The following ANKRD26 variants were observed in gnomAD, a reference collection of about 807,000 sequenced individuals.
ANKRD26 encodes the protein ankyrin repeat domain-containing protein 26.
Under a neutral mutation model 208.7 loss-of-function variants are expected in ANKRD26, and 141 were observed. That is an observed-to-expected ratio of 0.68 (90% CI 0.59 to 0.78). The LOEUF (loss-of-function observed/expected upper bound fraction) is 0.78. ANKRD26 is among the 30% of genes least tolerant of loss of function. The probability of loss-of-function intolerance (pLI) is 0.00; values close to 1 mark genes in which losing one functional copy is unlikely to be tolerated. For synonymous variants in ANKRD26, 636 were observed against 660.4 expected (o/e 0.96, Z 0.57); for missense variants, 1,889 against 1,938.7 (o/e 0.97, Z 0.48).
chr10:26,957,285 G>T, the ANKRD26 span, among the ~76,000 whole-genome samples: 2 of 152,184 alleles, frequency 1.3e-5, no homozygotes, highest in South Asian at 4.1e-4. Flanking sequence ...CCATTTGGGT[G>T]GCTAAAGCAG....
rs190902082 is a variant in ANKRD26 at position 26,973,923 on chromosome 10, C to T, written c.*2401G>A. Among the ~76,000 whole-genome samples, 713 of 152,052 alleles carry T rather than the reference C, an allele frequency of 4.7e-3. 4 individuals are homozygous for T. The highest frequency in any genetic ancestry group is 8.0e-3 in the Non-Finnish European group (541 of 67,968). ...CCACCCACCTCGGCCTCCCAAAGTG[C>T]TGGAATTACAGGCGTGAGCCACTGT... On this transcript the variant is annotated 3_prime_UTR_variant and NMD_transcript_variant, in exon 6 of 6. Transcript: ENST00000674670.
At chr10:27,033,699 G>A (rs1468221073) in intron 24 of ANKRD26, among the ~76,000 whole-genome samples, 1 of 152,148 alleles carries the variant, frequency 6.6e-6, no homozygotes, top group African/African-American at 2.4e-5. Context: ...GAGTGGAACT[G>A]GTAGTGATTA....
chr10:26,975,965 C>A (rs955131079), exon 6 of ANKRD26, among the ~76,000 whole-genome samples: 14 of 152,068 alleles, frequency 9.2e-5, no homozygotes, highest in African/African-American at 3.1e-4. Context: ...ATCACTCTTA[C>A]CTCCTGGAAA....
the ANKRD26 span, among the ~76,000 whole-genome samples, chr10:26,966,195 C>A: frequency 2.6e-5 from 4 of 152,266 alleles, no homozygotes; most frequent in Non-Finnish European, 5.9e-5. Context: ...ATGTTTACTG[C>A]AGCACTATTT....
At chr10:26,955,116 G>A in the ANKRD26 span, among the ~76,000 whole-genome samples, 4 of 151,752 alleles carry the variant, frequency 2.6e-5, no homozygotes, top group South Asian at 8.4e-4. Context: ...CTATAATGCA[G>A]CTCACCTCCA....
chr10:26,952,099 C>T, the ANKRD26 span, among the ~76,000 whole-genome samples: 9 of 152,156 alleles, frequency 5.9e-5, no homozygotes, highest in African/African-American at 2.2e-4. Flanking sequence ...CTCTTCTTTC[C>T]AGGAGCCAAT....
At position 27,005,313 on chromosome 10, in the gene ANKRD26, T is replaced by G; in HGVS notation, c.*277A>C. On this transcript the variant is annotated 3_prime_UTR_variant, in exon 34 of 34. Transcript: ENST00000376087. ...AAATACAAATAAGCCATCAATTAAC[T>G]GCACTAAAGTATTAATGACAACTTA... The G allele has an allele frequency of 9.0e-7, 1 of 1,109,602 alleles. No homozygotes were observed. 68.7% of individuals were successfully genotyped at this position (1,109,602 alleles called of 1,614,324 possible).
intron 24 of ANKRD26, among the ~76,000 whole-genome samples, chr10:27,034,571 A>G (rs1466327736): frequency 6.6e-6 from 1 of 152,226 alleles, no homozygotes; most frequent in African/African-American, 2.4e-5. Flanking sequence ...ATACTAGTCT[A>G]TAACAATTCA....
chr10:27,048,658 T>C, intron 17 of ANKRD26, 143 bp downstream of exon 17: 1 of 716,704 alleles, frequency 1.4e-6, no homozygotes, highest in Non-Finnish European at 2.2e-6. Context: ...GTTTGCTAAT[T>C]TGCATTTTTC....
intron 20 of ANKRD26, among the ~76,000 whole-genome samples, chr10:27,042,952 C>CAAA (rs376971749): frequency 0.029 from 2,400 of 82,314 alleles, 81 homozygotes; most frequent in African/African-American, 0.09. Context: ...AATTTTGTCT[C>CAAA]AAAAAAAAAA....
chr10:26,957,411 C>G, the ANKRD26 span, among the ~76,000 whole-genome samples: 1 of 151,914 alleles, frequency 6.6e-6, no homozygotes, highest in Non-Finnish European at 1.5e-5. Flanking sequence ...ATAAAACAGA[C>G]AAAAAGAAAG....
chr10:27,020,376 C>T (rs981777939), intron 29 of ANKRD26, among the ~76,000 whole-genome samples: 2 of 151,980 alleles, frequency 1.3e-5, no homozygotes, highest in East Asian at 1.9e-4. Context: ...TATAGAACAC[C>T]GGAATGCATT....
chr10:27,054,270 T>C (rs1383308469), intron 15 of ANKRD26, among the ~76,000 whole-genome samples: 1 of 152,206 alleles, frequency 6.6e-6, no homozygotes, highest in Non-Finnish European at 1.5e-5. Flanking sequence ...TCCTGCTAAG[T>C]TCTAAACACT....
rs2052792751 is a variant in ANKRD26, at chr10:27,004,173, CAGG to C, written c.*1414_*1416del. On this transcript the variant is annotated 3_prime_UTR_variant, in exon 34 of 34. Transcript: ENST00000376087. ...CTATATTCATATTCATCTAGAAAGA[CAGG>C]AGGAGAAGGGGGAGAAAGGATAAAG... 6.6e-6 allele frequency: 1 copy of C among 151,906 alleles called. No individual in the cohort carries two copies. The highest frequency in any genetic ancestry group is 2.4e-5 in the African/African-American group (1 of 41,348). The allele number at this position is 151,906 out of a possible 1,614,324, so 9.4% of individuals were successfully genotyped here. A position where few individuals can be genotyped will look rare whatever the true frequency, so the allele number is the denominator to read the frequency against.
At chr10:27,014,752 C>T in intron 30 of ANKRD26, 41 bp from the exon 31 acceptor site, 2 of 1,530,402 alleles carry the variant, frequency 1.3e-6, no homozygotes, top group East Asian at 2.3e-5. Flanking sequence ...AATATATAAC[C>T]TGAGTAAGAC....
chr10:26,962,043 A>C, the ANKRD26 span, among the ~76,000 whole-genome samples: 2 of 152,206 alleles, frequency 1.3e-5, no homozygotes, highest in South Asian at 4.1e-4. Context: ...TTGGATCCCA[A>C]CAGAAGATTT....
downstream of ANKRD26, among the ~76,000 whole-genome samples, chr10:26,969,004 C>T (rs1162454165): frequency 6.6e-6 from 1 of 152,124 alleles, no homozygotes; most frequent in Non-Finnish European, 1.5e-5. Context: ...TCTCAGATTT[C>T]AATTGGCTCC....
At position 27,093,446 on chromosome 10, in the gene ANKRD26, T is replaced by G. The variant is rs750199196; in HGVS notation, c.434A>C (p.His145Pro). 1.2e-6 allele frequency: 2 copies of G among 1,614,200 alleles called. No homozygotes were observed. Among genetic ancestry groups the G allele is most frequent in the African/African-American group, 2.7e-5 (2 of 75,066 alleles). The change falls in exon 3 of 34, where the codon CAT (histidine) becomes CCT (proline). Residue 145 changes from histidine to proline, a missense_variant. Around this residue, in one of 3 missense-constraint regions of ANKRD26, gnomAD observed 1,272 missense variants for 1,273.8 expected, o/e 1.00. Transcript: ENST00000376087. ...HGADPNLADV[H>P]GNTALHYAVY... Reference sequence around the variant, plus strand: ...AGCATAGTGAAGAGCAGTGTTGCCATGGACATCCGCAAGATTTGGATCAGC... The same window carrying G: ...AGCATAGTGAAGAGCAGTGTTGCCAGGGACATCCGCAAGATTTGGATCAGC...
chr10:26,972,837 G>A (rs968625313), downstream of ANKRD26, among the ~76,000 whole-genome samples: 9 of 151,912 alleles, frequency 5.9e-5, no homozygotes, highest in South Asian at 2.1e-4. Context: ...TGATCTGCCC[G>A]CCTCAGCCTC....
Sources: allele counts gnomAD v4.1 joint callset (sites outside exome capture counted in the v4.1 genomes callset), GRCh38; gene constraint gnomAD v4.1.1; regional missense constraint gnomAD v4.1.1; transcripts MANE v1.5; gene names NCBI Gene and HGNC (gene_info 2026-07-23, HGNC 2026-07-21).